The following ADK variants were observed in gnomAD, a reference collection of about 807,000 sequenced individuals.
The protein encoded by ADK is N6,N6-dimethyladenosine kinase.
A neutral mutation model predicts 44.7 loss-of-function variants in ADK; 24 were observed. The observed-to-expected ratio is 0.54, with a 90% CI of 0.39 to 0.76. The LOEUF (loss-of-function observed/expected upper bound fraction) is 0.76, where lower values mean the gene tolerates loss of function less well. Among genes scored for constraint, ADK ranks in the 30% least tolerant of loss-of-function variants. The pLI is 0.00. For missense variants in ADK, 321 were observed against 425.1 expected (o/e 0.76, Z 2.15); for synonymous variants, 128 against 142.6 (o/e 0.90, Z 0.73).
intron 3 of ADK, among the ~76,000 whole-genome samples, chr10:74,308,481 T>C (rs955372124): frequency 1.3e-5 from 2 of 152,214 alleles, no homozygotes; most frequent in African/African-American, 4.8e-5. Context: ...ACATTTGTGG[T>C]AAAAGATTTC....
intron 9 of ADK, among the ~76,000 whole-genome samples, chr10:74,642,142 A>G (rs1296547967): frequency 6.6e-6 from 1 of 152,178 alleles, no homozygotes; most frequent in Non-Finnish European, 1.5e-5. Flanking sequence ...GAGATTAGCA[A>G]AAACTTAAAT....
At chr10:74,509,984 T>C (rs966789098) in intron 6 of ADK, among the ~76,000 whole-genome samples, 2 of 152,232 alleles carry the variant, frequency 1.3e-5, no homozygotes, top group Non-Finnish European at 2.9e-5. Context: ...CATTCATTTG[T>C]TGTTGGACAC....
chr10:74,304,666 A>G (rs1278610438), intron 3 of ADK, among the ~76,000 whole-genome samples: 2 of 152,220 alleles, frequency 1.3e-5, no homozygotes, highest in Non-Finnish European at 2.9e-5. Context: ...TATTTTAAAA[A>G]TATTCAAGGG....
intron 7 of ADK, among the ~76,000 whole-genome samples, chr10:74,581,894 G>T (rs984080938): frequency 1.3e-5 from 2 of 152,168 alleles, no homozygotes; most frequent in Admixed American, 6.5e-5. Flanking sequence ...TCATCAGCAG[G>T]AGACCATTCA....
At chr10:74,566,046 T>A (rs1850656338) in intron 7 of ADK, among the ~76,000 whole-genome samples, 1 of 152,104 alleles carries the variant, frequency 6.6e-6, no homozygotes, top group Admixed American at 6.6e-5. Context: ...TCCCATCAAA[T>A]AAGACAATGC....
At chr10:74,381,838 T>G (rs2132007365) in intron 4 of ADK, among the ~76,000 whole-genome samples, 1 of 152,358 alleles carries the variant, frequency 6.6e-6, no homozygotes, top group South Asian at 2.1e-4. Context: ...GACTTGACCT[T>G]TGCCTTACGT....
Position 74,590,952 on chromosome 10 carries a change from C to A in ADK, c.762+1635C>A, listed in dbSNP as rs891714183. Among the ~76,000 whole-genome samples, 2 of 151,950 alleles carry A rather than the reference C, an allele frequency of 1.3e-5. 1 individual carries two copies. Among genetic ancestry groups the A allele is most frequent in the Admixed American group, 1.3e-4 (2 of 15,242 alleles). On this transcript the variant is annotated intron_variant, in intron 8 of 10. Transcript: ENST00000539909. ...AACTTTCAGAACATACATTTGTATC[C>A]TGTCAGTTTACTGTGTTACCATAAA...
intron 6 of ADK, among the ~76,000 whole-genome samples, chr10:74,435,001 TAA>T (rs1845133985): frequency 6.6e-6 from 1 of 152,176 alleles, no homozygotes; most frequent in East Asian, 1.9e-4. Flanking sequence ...GACTAGAGGA[TAA>T]AAAATAACTT....
intron 2 of ADK, among the ~76,000 whole-genome samples, chr10:74,203,881 A>G (rs913918773): frequency 3.3e-5 from 5 of 151,572 alleles, no homozygotes; most frequent in African/African-American, 9.7e-5. Flanking sequence ...AATTACATTG[A>G]ATGTATAGAT....
rs138221107 is a variant in ADK at position 74,413,065 on chromosome 10, A to G, written c.555+14486A>G. Among the ~76,000 whole-genome samples, 1,011 of 152,196 alleles carry G rather than the reference A, an allele frequency of 6.6e-3. 16 individuals are homozygous for G. Among genetic ancestry groups the G allele is most frequent in the African/African-American group, 0.023 (947 of 41,536 alleles). On this transcript the variant is annotated intron_variant, in intron 6 of 10. Transcript: ENST00000539909. ...AAGAGTGAAACTGTCCCCAAAAAAA[A>G]AAAAATTCAGCATACCATACTCAAA...
rs1842551031 is a variant in ADK, at chr10:74,368,163, C to T, written c.274-25978C>T. ...TTCTGCAGGAGGCAGAACCTGTTGT[C>T]TAGGTTGGAGTACAGTGGCATGAAC... On this transcript the variant is annotated intron_variant, in intron 4 of 10. Coordinates refer to ENST00000539909, the MANE Select transcript of ADK (RefSeq NM_006721.4). Among the ~76,000 whole-genome samples, 4 of 152,184 alleles carry T rather than the reference C, an allele frequency of 2.6e-5. No individual in the cohort carries two copies. The South Asian group carries it at 8.3e-4, about 31-fold the overall frequency.
At chr10:74,313,735 T>A (rs188510300) in intron 3 of ADK, among the ~76,000 whole-genome samples, 109 of 151,968 alleles carry the variant, frequency 7.2e-4, no homozygotes, top group African/African-American at 2.6e-3. Context: ...TCTCTCTTAC[T>A]CTTCATAATC....
intron 7 of ADK, among the ~76,000 whole-genome samples, chr10:74,527,372 C>CAAAA (rs35990549): frequency 7.2e-6 from 1 of 138,610 alleles, no homozygotes. Context: ...AACAAACAAA[C>CAAAA]AAAAAAAAAA....
At chr10:74,427,833 T>C (rs1234631468) in intron 6 of ADK, among the ~76,000 whole-genome samples, 1 of 152,126 alleles carries the variant, frequency 6.6e-6, no homozygotes, top group African/African-American at 2.4e-5. Context: ...GTGACACACC[T>C]AGCGTTATTT....
At chr10:74,559,493 T>C (rs1323543628) in intron 7 of ADK, among the ~76,000 whole-genome samples, 1 of 152,234 alleles carries the variant, frequency 6.6e-6, no homozygotes, top group Admixed American at 6.5e-5. Flanking sequence ...TTTGTTATTA[T>C]AGTTCTGTAG....
At chr10:74,640,349 A>G (rs1256724136) in intron 9 of ADK, among the ~76,000 whole-genome samples, 2 of 152,234 alleles carry the variant, frequency 1.3e-5, no homozygotes, top group East Asian at 3.8e-4. Context: ...TTCTGTGCCA[A>G]CACCATATGT....
At chr10:74,188,473 C>G (rs1186478589) in intron 1 of ADK, among the ~76,000 whole-genome samples, 1 of 150,892 alleles carries the variant, frequency 6.6e-6, no homozygotes, top group Non-Finnish European at 1.5e-5. Flanking sequence ...CTCAGCCTCC[C>G]GAGTAGCAGG....
intron 2 of ADK, among the ~76,000 whole-genome samples, chr10:74,219,755 G>A (rs1167720287): frequency 6.6e-6 from 1 of 150,720 alleles, no homozygotes; most frequent in African/African-American, 2.4e-5. Flanking sequence ...TGAACAACCT[G>A]CTCCTGAATG....
intron 3 of ADK, among the ~76,000 whole-genome samples, chr10:74,261,861 G>A (rs1475272406): frequency 6.7e-6 from 1 of 149,790 alleles, no homozygotes; most frequent in Non-Finnish European, 1.5e-5. Flanking sequence ...TCATTGTTCT[G>A]AGCATGTAAT....
Sources: gnomAD v4.1 joint callset for allele counts (sites outside exome capture counted in the v4.1 genomes callset) on GRCh38, gnomAD v4.1.1 for gene constraint, MANE v1.5 for transcripts, NCBI Gene and HGNC (gene_info 2026-07-23, HGNC 2026-07-21) for gene names.